The following DPYD variants were observed in gnomAD, a reference collection of about 807,000 sequenced individuals.
The protein encoded by DPYD is dihydropyrimidine dehydrogenase [NADP(+)].
A neutral mutation model predicts 116.2 loss-of-function variants in DPYD; 109 were observed. That is an observed-to-expected ratio of 0.94 (90% confidence interval 0.80 to 1.10). DPYD has a LOEUF of 1.10. DPYD is among the 50% of genes least tolerant of loss of function. The pLI, the probability that DPYD is intolerant of heterozygous loss-of-function variation, is 0.00. For missense variants in DPYD, 1,302 were observed against 1,254.5 expected (o/e 1.04, Z -0.57); for synonymous variants, 440 against 432.0 (o/e 1.02, Z -0.23).
chr1:97,490,765 A>C (rs1678928389), intron 13 of DPYD, among the ~76,000 whole-genome samples: 1 of 150,412 alleles, frequency 6.6e-6, no homozygotes, highest in East Asian at 1.9e-4. Context: ...CCTCAACTTA[A>C]TTTCTTCTCT....
At chr1:97,704,474 AAGTT>A (rs1322151231) in intron 5 of DPYD, among the ~76,000 whole-genome samples, 4 of 151,790 alleles carry the variant, frequency 2.6e-5, no homozygotes, top group Non-Finnish European at 5.9e-5. Flanking sequence ...AAGTTTACAA[AAGTT>A]AGTTAAAACA....
intron 10 of DPYD, among the ~76,000 whole-genome samples, chr1:97,585,453 G>C (rs1654025789): frequency 6.6e-6 from 1 of 152,042 alleles, no homozygotes; most frequent in Admixed American, 6.5e-5. Flanking sequence ...ATGATGACAG[G>C]GGGATGACAC....
chr1:97,700,180 G>A (rs540267690), intron 5 of DPYD: 26 of 454,722 alleles, frequency 5.7e-5, no homozygotes, highest in Middle Eastern at 3.3e-4. Flanking sequence ...AGGGATTTGC[G>A]ACTTCTTACC....
intron 19 of DPYD, among the ~76,000 whole-genome samples, chr1:97,195,916 G>GGAT (rs1486607682): frequency 6.6e-6 from 1 of 151,252 alleles, no homozygotes; most frequent in Non-Finnish European, 1.5e-5. Context: ...GCAATATACC[G>GGAT]GATAACATTT....
chr1:97,627,129 C>A (rs1421256755), intron 8 of DPYD, among the ~76,000 whole-genome samples: 2 of 151,954 alleles, frequency 1.3e-5, no homozygotes, highest in Admixed American at 1.3e-4. Flanking sequence ...GTCCTCATCA[C>A]TTCCCAAAGA....
intron 18 of DPYD, among the ~76,000 whole-genome samples, chr1:97,255,297 T>C (rs1035063669): frequency 6.6e-6 from 1 of 152,128 alleles, no homozygotes; most frequent in South Asian, 2.1e-4. Context: ...TATACAAATA[T>C]TAAGTAATTT....
chr1:97,636,549 T>C (rs901307820), intron 8 of DPYD, among the ~76,000 whole-genome samples: 1 of 152,190 alleles, frequency 6.6e-6, no homozygotes, highest in Non-Finnish European at 1.5e-5. Context: ...AGAACACTTT[T>C]AGGATTACTT....
chr1:97,489,386 C>T (rs541189550), intron 13 of DPYD, among the ~76,000 whole-genome samples: 1 of 152,320 alleles, frequency 6.6e-6, no homozygotes, highest in African/African-American at 2.4e-5. Flanking sequence ...ATACACAATA[C>T]TCCCAGAGGG....
chr1:97,546,435 C>T (rs1038808074), intron 12 of DPYD: 1 of 1,593,238 alleles, frequency 6.3e-7, no homozygotes, highest in Admixed American at 1.7e-5. Context: ...ATAGAGATTC[C>T]TGAAGTGAGA....
chr1:97,278,410 C>T (rs1296482933), intron 18 of DPYD, among the ~76,000 whole-genome samples: 3 of 152,174 alleles, frequency 2.0e-5, no homozygotes, highest in Non-Finnish European at 4.4e-5. Context: ...CCAGAAACTA[C>T]AGAAAGTAAA....
intron 3 of DPYD, among the ~76,000 whole-genome samples, chr1:97,781,401 T>G (rs1666736840): frequency 6.6e-6 from 1 of 152,246 alleles, no homozygotes; most frequent in Non-Finnish European, 1.5e-5. Flanking sequence ...TGTTTTGATT[T>G]GCTCATCCAT....
chr1:97,871,055 T>C (rs1480793084), intron 2 of DPYD, among the ~76,000 whole-genome samples: 2 of 151,928 alleles, frequency 1.3e-5, no homozygotes, highest in Non-Finnish European at 2.9e-5. Flanking sequence ...GCTGATTTCT[T>C]TTGTTCAGAG....
At chr1:97,570,255 G>C (rs978998018) in intron 11 of DPYD, among the ~76,000 whole-genome samples, 1 of 151,862 alleles carries the variant, frequency 6.6e-6, no homozygotes, top group African/African-American at 2.4e-5. Flanking sequence ...TGATATATTT[G>C]AGATTTTAAA....
At chr1:97,246,199 T>C (rs1570750312) in intron 18 of DPYD, among the ~76,000 whole-genome samples, 1 of 152,138 alleles carries the variant, frequency 6.6e-6, no homozygotes, top group South Asian at 2.1e-4. Context: ...TAAATTTCAA[T>C]AGGGTAAAAA....
chr1:97,239,779 T>G (rs1448436657), intron 18 of DPYD, among the ~76,000 whole-genome samples: 1 of 152,096 alleles, frequency 6.6e-6, no homozygotes, highest in East Asian at 1.9e-4. Flanking sequence ...TGTGTGACTT[T>G]GTGAAAATTT....
At chr1:97,628,612 G>A (rs192570849) in intron 8 of DPYD, among the ~76,000 whole-genome samples, 2 of 151,880 alleles carry the variant, frequency 1.3e-5, no homozygotes, top group Non-Finnish European at 2.9e-5. Flanking sequence ...AATAATGATA[G>A]TAATATTACC....
chr1:97,519,398 A>T (rs1021463460), intron 12 of DPYD, among the ~76,000 whole-genome samples: 3 of 152,110 alleles, frequency 2.0e-5, no homozygotes, highest in Non-Finnish European at 4.4e-5. Flanking sequence ...CACAGGAAAG[A>T]CCTGGCCCCA....
intron 3 of DPYD, among the ~76,000 whole-genome samples, chr1:97,815,085 GAAAAGAGAAGAGAAGA>G (rs1307623233): frequency 3.2e-4 from 3 of 9,300 alleles, no homozygotes; most frequent in East Asian, 0.2. Flanking sequence ...AGAGAAGAAA[GAAAAGAGAAGAGAAGA>G]GAAAAGAGAA....
At chr1:97,673,386 T>C (rs1376078316) in intron 8 of DPYD, among the ~76,000 whole-genome samples, 1 of 152,110 alleles carries the variant, frequency 6.6e-6, no homozygotes, top group Non-Finnish European at 1.5e-5. Context: ...TAAAATGTAT[T>C]CCCCCTGGGT....
Sources: allele counts gnomAD v4.1 joint callset (sites outside exome capture counted in the v4.1 genomes callset), GRCh38; gene constraint gnomAD v4.1.1; transcripts MANE v1.5; gene names NCBI Gene and HGNC (gene_info 2026-07-23, HGNC 2026-07-21).